Variants in CECR2 observed in about 807,000 individuals in gnomAD.
CECR2 encodes the protein chromatin remodeling regulator CECR2.
A neutral mutation model predicts 154.5 loss-of-function variants in CECR2; 30 were observed. The ratio of observed to expected loss-of-function variants is 0.19; its 90% CI spans 0.15 to 0.26. CECR2 has a LOEUF of 0.26. CECR2 is among the 10% of genes least tolerant of loss of function. The pLI, the probability that CECR2 is intolerant of heterozygous loss-of-function variation, is 1.00. For synonymous variants in CECR2, 725 were observed against 683.7 expected, an observed-to-expected ratio of 1.06 and a Z score of -0.94; for missense variants, 1,743 against 1,829.3, an observed-to-expected ratio of 0.95 and a Z score of 0.86.
intron 16 of CECR2, 119 bp downstream of exon 16, chr22:17,543,122 G>A: frequency 7.9e-7 from 1 of 1,272,696 alleles, no homozygotes; most frequent in Non-Finnish European, 1.1e-6. Flanking sequence ...TTTATTTTTT[G>A]GTTTTGTTTT....
At chr22:17,458,757 C>G (rs1306188544) in intron 1 of CECR2, among the ~76,000 whole-genome samples, 1 of 152,132 alleles carries the variant, frequency 6.6e-6, no homozygotes, top group Non-Finnish European at 1.5e-5. Context: ...TTGGAAAGCA[C>G]TGATTTAAAA....
intron 1 of CECR2, chr22:17,418,946 TGGAGCTGGAGCCTATCGGCTG>T (rs1455330397): frequency 9.7e-6 from 2 of 205,474 alleles, no homozygotes; most frequent in South Asian, 1.3e-4. Context: ...AGCGAGAGGC[TGGAGCTGGAGCCTATCGGCTG>T]GGCCCCGCCT....
At chr22:17,478,262 A>G (rs777192584) in intron 2 of CECR2, among the ~76,000 whole-genome samples, 41 of 152,192 alleles carry the variant, frequency 2.7e-4, no homozygotes, top group Middle Eastern at 3.4e-3. Context: ...GTGAGATGCA[A>G]TGGGTTTCCT....
At chr22:17,535,357 A>G (rs1167918038) in intron 9 of CECR2, among the ~76,000 whole-genome samples, 2 of 152,210 alleles carry the variant, frequency 1.3e-5, no homozygotes, top group Non-Finnish European at 1.5e-5. Flanking sequence ...GAAATGATGG[A>G]CACCCCTTTG....
intron 1 of CECR2, among the ~76,000 whole-genome samples, chr22:17,429,544 ACAAAAACAAAAAC>A (rs2054387700): frequency 7.5e-6 from 1 of 132,488 alleles, no homozygotes; most frequent in Non-Finnish European, 1.6e-5. Flanking sequence ...TCTACCAAAA[ACAAAAACAAAAAC>A]AAAGAAAAGA....
intron 8 of CECR2, among the ~76,000 whole-genome samples, chr22:17,520,734 C>G (rs890426754): frequency 6.6e-6 from 1 of 152,032 alleles, no homozygotes; most frequent in African/African-American, 2.4e-5. Flanking sequence ...TCATTCATGT[C>G]CCTGCAAAGG....
At position 17,422,258 on chromosome 22, in the gene CECR2, C is replaced by T. The variant is rs576911255; in HGVS notation, c.126+52349C>T. Among the ~76,000 whole-genome samples, 30 of 152,254 alleles carry T rather than the reference C, an allele frequency of 2.0e-4. No individual in the cohort carries two copies. In the South Asian group the frequency reaches 4.6e-3, roughly 23 times the overall value. ...TGTGGCCTAGGCTGGAGTGCAGTGG[C>T]GCGATCTCGGCTCACTGCAACCTCC... On this transcript the variant is annotated intron_variant, in intron 1 of 18. Transcript: ENST00000262608.
At chr22:17,517,035 C>A (rs1316799681) in intron 8 of CECR2, among the ~76,000 whole-genome samples, 1 of 152,076 alleles carries the variant, frequency 6.6e-6, no homozygotes, top group African/African-American at 2.4e-5. Context: ...CCTGCCACCA[C>A]GCCTGGCTAA....
At chr22:17,515,066 G>T (rs1983035878) in intron 8 of CECR2, among the ~76,000 whole-genome samples, 2 of 151,222 alleles carry the variant, frequency 1.3e-5, no homozygotes, top group South Asian at 4.2e-4. Flanking sequence ...TCACAACATA[G>T]ATTTTTTTTT....
At position 17,542,154 on chromosome 22, in the gene CECR2, C is replaced by T. The variant is rs771906835; in HGVS notation, c.2014-3C>T. ...TAACTGTGCTGCCTTTTCTCGTTGCCAGCCTCCAGTTGGAATTAACAGCCT... is the reference window on the plus strand; with the variant it reads ...TAACTGTGCTGCCTTTTCTCGTTGCTAGCCTCCAGTTGGAATTAACAGCCT... On this transcript the variant is annotated splice_region_variant and splice_polypyrimidine_tract_variant and intron_variant, in intron 15 of 18. Coordinates refer to ENST00000262608, the MANE Select transcript of CECR2 (RefSeq NM_001290047.2). The T allele has an allele frequency of 1.2e-6, 2 of 1,606,952 alleles. No homozygotes were observed. Among genetic ancestry groups the T allele is most frequent in the Non-Finnish European group, 1.7e-6 (2 of 1,174,738 alleles).
intron 1 of CECR2, among the ~76,000 whole-genome samples, chr22:17,467,787 AAAAG>A (rs200526150): frequency 0.14 from 20,957 of 148,330 alleles, 1,627 homozygotes; most frequent in East Asian, 0.23. Context: ...AGTCTCAAAA[AAAAG>A]AAAGAAAGAG....
At chr22:17,499,078 C>T (rs2055688163) in intron 3 of CECR2, among the ~76,000 whole-genome samples, 1 of 152,120 alleles carries the variant, frequency 6.6e-6, no homozygotes, top group South Asian at 2.1e-4. Flanking sequence ...CGACCTCCAC[C>T]TCCCAGGTTC....
chr22:17,524,692 CTTTTT>C (rs1188195849), intron 9 of CECR2, among the ~76,000 whole-genome samples: 28 of 44,314 alleles, frequency 6.3e-4, no homozygotes, highest in Non-Finnish European at 9.8e-4. Flanking sequence ...ATGCCTGGCC[CTTTTT>C]TTTTTTTTTT....
chr22:17,524,817 G>A (rs2056230620), intron 9 of CECR2: 4 of 384,862 alleles, frequency 1.0e-5, no homozygotes, highest in East Asian at 1.2e-4. Context: ...GACTATAGGC[G>A]TGCCACCACA....
At position 17,540,559 on chromosome 22, in the gene CECR2, GT is replaced by G; in HGVS notation, c.1644del (p.Ser548ArgfsTer78). On this transcript the variant is annotated frameshift_variant, in exon 14 of 19. Coordinates refer to ENST00000262608, the MANE Select transcript of CECR2 (RefSeq NM_001290047.2). LOFTEE classifies it high-confidence loss of function. ...REKRRSRAGR[S>X]GGSHVWTRSR... ...AAAAGACGGAGTCGGGCTGGGCGAA[GT>G]GGTGGGAGCCATGTTTGGACCCGCT... is the stretch of plus-strand genomic sequence containing the variant. 1 of 1,612,858 alleles carries G rather than the reference GT, an allele frequency of 6.2e-7. No individual in the cohort carries two copies. Among genetic ancestry groups the G allele is most frequent in the Non-Finnish European group, 8.5e-7 (1 of 1,179,166 alleles).
At chr22:17,423,200 A>C (rs1278178134) in intron 1 of CECR2, among the ~76,000 whole-genome samples, 1 of 152,074 alleles carries the variant, frequency 6.6e-6, no homozygotes, top group Non-Finnish European at 1.5e-5. Flanking sequence ...CCTTTTAGTG[A>C]GCACCTGCCT....
chr22:17,493,163 G>A (rs1305039859), intron 2 of CECR2, among the ~76,000 whole-genome samples: 1 of 152,008 alleles, frequency 6.6e-6, no homozygotes, highest in East Asian at 1.9e-4. Flanking sequence ...GTAGAGACAG[G>A]CTTTCTCTGT....
chr22:17,512,998 A>G (rs1202363490), intron 8 of CECR2, among the ~76,000 whole-genome samples: 1 of 152,164 alleles, frequency 6.6e-6, no homozygotes, highest in Non-Finnish European at 1.5e-5. Context: ...AGTTTGAGAT[A>G]TAATGTTAGG....
chr22:17,424,085 ATTATG>A (rs1265081757), intron 1 of CECR2, among the ~76,000 whole-genome samples: 7 of 152,058 alleles, frequency 4.6e-5, no homozygotes, highest in Non-Finnish European at 8.8e-5. Flanking sequence ...ATATTTTTAT[ATTATG>A]TTATCAGAAT....
Sources: allele counts gnomAD v4.1 joint callset (sites outside exome capture counted in the v4.1 genomes callset), GRCh38; gene constraint gnomAD v4.1.1; transcripts MANE v1.5; gene names NCBI Gene and HGNC (gene_info 2026-07-23, HGNC 2026-07-21).